PIGN: variants seen among roughly 807,000 people sequenced by gnomAD.
The protein encoded by PIGN is GPI ethanolamine phosphate transferase 1.
PIGN carries 117 observed loss-of-function variants against 125.4 expected under a neutral mutation model. The ratio of observed to expected loss-of-function variants is 0.93; its 90% CI spans 0.80 to 1.09. The LOEUF is 1.09. Among genes scored for constraint, PIGN ranks in the 50% least tolerant of loss-of-function variants. The pLI, the probability that PIGN is intolerant of heterozygous loss-of-function variation, is 0.00. For missense variants in PIGN, 1,075 were observed against 1,094.9 expected (o/e 0.98, Z 0.26); for synonymous variants, 392 against 377.8 (o/e 1.04, Z -0.44).
At chr18:62,166,127 G>A (rs1367432045) in intron 1 of PIGN, among the ~76,000 whole-genome samples, 1 of 152,192 alleles carries the variant, frequency 6.6e-6, no homozygotes, top group Non-Finnish European at 1.5e-5. Flanking sequence ...AAGAGGGGAT[G>A]GAATGGAGAG....
intron 10 of PIGN, among the ~76,000 whole-genome samples, chr18:62,143,940 T>C (rs1396635717): frequency 6.6e-6 from 1 of 152,204 alleles, no homozygotes; most frequent in Admixed American, 6.5e-5. Context: ...CAAGTGATTA[T>C]GAGAGACCGT....
intron 1 of PIGN, among the ~76,000 whole-genome samples, chr18:62,165,593 T>C (rs1373025967): frequency 6.6e-6 from 1 of 152,006 alleles, no homozygotes; most frequent in Non-Finnish European, 1.5e-5. Flanking sequence ...CGAGATGCCA[T>C]AATAAGGCAG....
intron 7 of PIGN, among the ~76,000 whole-genome samples, chr18:62,152,024 T>C (rs1281341295): frequency 6.6e-6 from 1 of 152,198 alleles, no homozygotes; most frequent in Non-Finnish European, 1.5e-5. Context: ...AGCCTGGTTT[T>C]ATACATTTTG....
chr18:62,055,544 T>C (rs1221925351), intron 30 of PIGN, among the ~76,000 whole-genome samples: 2 of 152,170 alleles, frequency 1.3e-5, no homozygotes, highest in African/African-American at 4.8e-5. Context: ...TGAAGGATCC[T>C]TGTGCTGGTA....
At chr18:62,105,447 T>C in intron 20 of PIGN, 96 bp downstream of exon 20, 6 of 723,980 alleles carry the variant, frequency 8.3e-6, no homozygotes, top group Non-Finnish European at 1.4e-5. Flanking sequence ...TCACATGATT[T>C]TATATTCTTG....
chr18:62,095,639 C>T (rs1382489575), intron 23 of PIGN, among the ~76,000 whole-genome samples: 1 of 151,960 alleles, frequency 6.6e-6, no homozygotes, highest in Non-Finnish European at 1.5e-5. Context: ...AGACAGCAAG[C>T]AATATCATGA....
At chr18:62,110,927 T>C (rs1430847982) in intron 16 of PIGN, among the ~76,000 whole-genome samples, 1 of 149,480 alleles carries the variant, frequency 6.7e-6, no homozygotes, top group African/African-American at 2.4e-5. Context: ...CTCTGGTTTT[T>C]ATTAACGTAC....
In PIGN at chr18:62,134,176, C is replaced by T. The variant is rs367906609; in HGVS notation, c.1172+4067G>A. On this transcript the variant is annotated intron_variant, in intron 14 of 30. Transcript: ENST00000640252. ...TTGGGAGGCCGAGGTGGGTGGATCACGAGGTCAGGAGTTCGAGACCAGCCT... is the reference window on the plus strand; with the variant it reads ...TTGGGAGGCCGAGGTGGGTGGATCATGAGGTCAGGAGTTCGAGACCAGCCT... Among the ~76,000 whole-genome samples the T allele has an allele frequency of 2.6e-4, 39 of 151,910 alleles. 4 individuals are homozygous for T. The highest frequency in any genetic ancestry group is 2.5e-3 in the South Asian group (12 of 4,798).
At chr18:62,075,443 T>G (rs1001367442) in intron 28 of PIGN, 3 of 152,248 alleles carry the variant, frequency 2.0e-5, no homozygotes, top group African/African-American at 7.2e-5. Context: ...CTTTGTTACC[T>G]TTTGTAACCT....
chr18:62,127,560 T>C (rs2035579659), intron 14 of PIGN, among the ~76,000 whole-genome samples: 1 of 152,170 alleles, frequency 6.6e-6, no homozygotes, highest in South Asian at 2.1e-4. Context: ...CACTGATAAA[T>C]TATTTAAAAC....
Position 62,169,484 on chromosome 18 carries a change from G to T in PIGN, c.-235-5828C>A, listed in dbSNP as rs963948475. Among the ~76,000 whole-genome samples the T allele has an allele frequency of 7.6e-5, 11 of 145,454 alleles. No individual in the cohort carries two copies. The East Asian group carries it at 1.4e-3, about 18-fold the overall frequency. On this transcript the variant is annotated intron_variant, in intron 1 of 30. Coordinates refer to ENST00000640252, the MANE Select transcript of PIGN (RefSeq NM_176787.5). ...CTTATTTTTTTATTATTTTTTTTTT[G>T]AAACTCCTGGGCTCAAGCAATCCTC...
intron 30 of PIGN, among the ~76,000 whole-genome samples, chr18:62,064,222 T>C (rs2032370931): frequency 6.6e-6 from 1 of 152,250 alleles, no homozygotes; most frequent in African/African-American, 2.4e-5. Context: ...TGTTGCCTTA[T>C]ACTATAATCA....
Position 62,072,763 on chromosome 18 carries a change from T to A in PIGN, c.2620-38A>T, listed in dbSNP as rs201567705. On this transcript the variant is annotated intron_variant, in intron 29 of 30. Transcript: ENST00000640252. Reference sequence around the variant, plus strand: ...AAAAAGGCTTAATGAAAAACAAAGCTATTTAGATTCAGTCTAAAAACAAAG... The same window carrying A: ...AAAAAGGCTTAATGAAAAACAAAGCAATTTAGATTCAGTCTAAAAACAAAG... 138 of 1,475,894 alleles carry A rather than the reference T, an allele frequency of 9.4e-5. No homozygotes were observed. Among genetic ancestry groups the A allele is most frequent in the South Asian group, 3.5e-4 (28 of 79,032 alleles). 91.4% of individuals were successfully genotyped at this position (1,475,894 alleles called of 1,614,324 possible). A position where few individuals can be genotyped will look rare whatever the true frequency, so the allele number is the denominator to read the frequency against.
At chr18:62,181,856 A>C (rs2037729879) in intron 1 of PIGN, among the ~76,000 whole-genome samples, 1 of 152,030 alleles carries the variant, frequency 6.6e-6, no homozygotes, top group South Asian at 2.1e-4. Flanking sequence ...CCTCCCAAGT[A>C]GCTGGGATTA....
intron 10 of PIGN, among the ~76,000 whole-genome samples, chr18:62,144,850 C>T (rs1313597005): frequency 6.6e-6 from 1 of 152,064 alleles, no homozygotes; most frequent in East Asian, 1.9e-4. Flanking sequence ...CCTGTGGTTC[C>T]AGCGACTTGG....
At chr18:62,115,478 T>C (rs1272514950) in intron 14 of PIGN, among the ~76,000 whole-genome samples, 2 of 152,314 alleles carry the variant, frequency 1.3e-5, no homozygotes, top group East Asian at 1.9e-4. Flanking sequence ...TTTAAGGCTA[T>C]ATTAGGTTGG....
chr18:62,166,807 A>G (rs1413272573), intron 1 of PIGN, among the ~76,000 whole-genome samples: 6 of 152,228 alleles, frequency 3.9e-5, no homozygotes, highest in Non-Finnish European at 8.8e-5. Flanking sequence ...ACAGGAACAC[A>G]AAAACAAATA....
At chr18:62,085,895 G>C (rs1443317654) in intron 25 of PIGN, among the ~76,000 whole-genome samples, 1 of 152,204 alleles carries the variant, frequency 6.6e-6, no homozygotes, top group Non-Finnish European at 1.5e-5. Context: ...GAAAGGGCTT[G>C]ATAAGCATTA....
chr18:62,166,703 C>T (rs972928576), intron 1 of PIGN, among the ~76,000 whole-genome samples: 1 of 152,158 alleles, frequency 6.6e-6, no homozygotes, highest in Admixed American at 6.5e-5. Context: ...CATATATACA[C>T]CATGGAATAT....
Sources: allele counts gnomAD v4.1 joint callset (sites outside exome capture counted in the v4.1 genomes callset), GRCh38; gene constraint gnomAD v4.1.1; transcripts MANE v1.5; gene names NCBI Gene and HGNC (gene_info 2026-07-23, HGNC 2026-07-21).